LOC400499: variants seen among roughly 807,000 people sequenced by gnomAD.
chr16:11,467,675 G>A, the LOC400499 span, among the ~76,000 whole-genome samples: 4 of 152,116 alleles, frequency 2.6e-5, no homozygotes, highest in African/African-American at 9.7e-5. Context: ...TCATGCTATT[G>A]CATGATACCT....
the LOC400499 span, among the ~76,000 whole-genome samples, chr16:11,510,038 A>C: frequency 1.1e-5 from 1 of 94,026 alleles, no homozygotes; most frequent in South Asian, 2.8e-4. Context: ...AATCTCTCTC[A>C]TGCATTCGTC....
At chr16:11,469,492 G>A in the LOC400499 span, 12,742 of 399,104 alleles carry the variant, frequency 0.032, 271 homozygotes, top group South Asian at 0.052. Context: ...TGAGCAGGGA[G>A]GGACGTTGAC....
At chr16:11,394,847 G>C in the LOC400499 span, among the ~76,000 whole-genome samples, 2 of 152,192 alleles carry the variant, frequency 1.3e-5, no homozygotes, top group East Asian at 3.9e-4. Context: ...GAGGGAGTGT[G>C]GCCCTGCTGA....
chr16:11,390,294 T>G, the LOC400499 span: 1 of 1,232,838 alleles, frequency 8.1e-7, no homozygotes, highest in Non-Finnish European at 1.0e-6. Context: ...CCAGGGCTCC[T>G]TTCATGGCCC....
the LOC400499 span, among the ~76,000 whole-genome samples, chr16:11,511,195 G>C: frequency 6.6e-6 from 1 of 151,912 alleles, no homozygotes; most frequent in South Asian, 2.1e-4. Flanking sequence ...ATGGGGTTTC[G>C]TCACGTTGCC....
At chr16:11,401,595 TTA>T in the LOC400499 span, among the ~76,000 whole-genome samples, 1 of 152,224 alleles carries the variant, frequency 6.6e-6, no homozygotes, top group Admixed American at 6.5e-5. Flanking sequence ...AAATCCAGGC[TTA>T]GAGAGGAGCA....
At chr16:11,501,398 C>A in the LOC400499 span, among the ~76,000 whole-genome samples, 1 of 152,162 alleles carries the variant, frequency 6.6e-6, no homozygotes, top group Non-Finnish European at 1.5e-5. Flanking sequence ...CACTCTGTCA[C>A]CCAGGCTGCA....
At chr16:11,373,378 G>A in the LOC400499 span, among the ~76,000 whole-genome samples, 5 of 152,136 alleles carry the variant, frequency 3.3e-5, no homozygotes, top group Non-Finnish European at 5.9e-5. Context: ...GGAGTCTCGC[G>A]CTATCACCCA....
chr16:11,391,955 T>C, the LOC400499 span: 166,109 of 573,530 alleles, frequency 0.29, 25,270 homozygotes, highest in African/African-American at 0.38. Context: ...ACAAGCCAGG[T>C]CAGAGGGGGA....
chr16:11,518,346 C>G, the LOC400499 span, among the ~76,000 whole-genome samples: 2 of 152,138 alleles, frequency 1.3e-5, no homozygotes, highest in Non-Finnish European at 2.9e-5. Context: ...GCCACCGAGG[C>G]CCTGTCAGGG....
the LOC400499 span, among the ~76,000 whole-genome samples, chr16:11,420,179 G>A: frequency 2.6e-5 from 4 of 150,980 alleles, no homozygotes; most frequent in African/African-American, 9.8e-5. Context: ...CAATAGCAAA[G>A]ACTTGGAACC....
the LOC400499 span, among the ~76,000 whole-genome samples, chr16:11,475,127 G>C: frequency 6.6e-6 from 1 of 151,990 alleles, no homozygotes; most frequent in African/African-American, 2.4e-5. Context: ...TCAGTCATGT[G>C]ACCATACCCT....
the LOC400499 span, chr16:11,372,590 G>T: frequency 4.1e-6 from 1 of 244,054 alleles, no homozygotes; most frequent in Non-Finnish European, 6.6e-6. Flanking sequence ...TGCGTTTGCA[G>T]CACGTGCGGT....
chr16:11,372,587 G>A, the LOC400499 span: 1 of 229,228 alleles, frequency 4.4e-6, no homozygotes, highest in Non-Finnish European at 7.2e-6. Flanking sequence ...CCGTGCGTTT[G>A]CAGCACGTGC....
the LOC400499 span, chr16:11,522,135 G>A: frequency 1.0e-5 from 4 of 397,264 alleles, no homozygotes; most frequent in South Asian, 5.2e-4. Flanking sequence ...GAGAGAGACA[G>A]CAATGTCACC....
the LOC400499 span, chr16:11,396,723 T>G: frequency 8.2e-7 from 1 of 1,222,088 alleles, no homozygotes; most frequent in Non-Finnish European, 1.0e-6. Flanking sequence ...GGTGGCAGCT[T>G]CCTCTCTCCC....
chr16:11,454,762 T>C, the LOC400499 span, among the ~76,000 whole-genome samples: 1 of 152,216 alleles, frequency 6.6e-6, no homozygotes, highest in Non-Finnish European at 1.5e-5. Flanking sequence ...ACACCTCCAA[T>C]GTATGCTTTC....
chr16:11,386,333 TGAGG>T, the LOC400499 span, among the ~76,000 whole-genome samples: 2 of 152,256 alleles, frequency 1.3e-5, no homozygotes, highest in East Asian at 3.8e-4. Flanking sequence ...CCCAGCATCC[TGAGG>T]GAGGCAGTAC....
the LOC400499 span, among the ~76,000 whole-genome samples, chr16:11,492,291 C>T: frequency 1.6e-5 from 2 of 128,080 alleles, no homozygotes; most frequent in South Asian, 3.0e-4. Context: ...CCCATCTATC[C>T]ATTCACCCAT....
Sources: gnomAD v4.1 joint callset for allele counts (sites outside exome capture counted in the v4.1 genomes callset) on GRCh38, gnomAD v4.1.1 for gene constraint, MANE v1.5 for transcripts.